The following ZDHHC17 variants were observed in gnomAD, a reference collection of about 807,000 sequenced individuals.
The protein encoded by ZDHHC17 is palmitoyltransferase ZDHHC17.
ZDHHC17 carries 40 observed loss-of-function variants against 90.3 expected under a neutral mutation model. The observed-to-expected ratio is 0.44, with a 90% CI of 0.34 to 0.58. ZDHHC17 has a LOEUF of 0.58. Ranked by LOEUF, ZDHHC17 falls within the 20% of genes least tolerant of loss-of-function variation. The pLI, the probability that ZDHHC17 is intolerant of heterozygous loss-of-function variation, is 0.01. For synonymous variants in ZDHHC17, 235 were observed against 252.4 expected (o/e 0.93, Z 0.65); for missense variants, 614 against 780.8 (o/e 0.79, Z 2.55).
At chr12:76,771,822 A>G (rs371232841) in intron 1 of ZDHHC17, among the ~76,000 whole-genome samples, 1 of 151,246 alleles carries the variant, frequency 6.6e-6, no homozygotes, top group Admixed American at 6.6e-5. Flanking sequence ...GATGTCAACA[A>G]TCTTGTCTGA....
At chr12:76,787,166 G>T (rs1356268767) in intron 1 of ZDHHC17, among the ~76,000 whole-genome samples, 1 of 147,090 alleles carries the variant, frequency 6.8e-6, no homozygotes, top group African/African-American at 2.5e-5. Flanking sequence ...ATGTCACCAC[G>T]ACTTGAGTGT....
chr12:76,794,988 C>T (rs1188548798), intron 1 of ZDHHC17, among the ~76,000 whole-genome samples: 1 of 151,894 alleles, frequency 6.6e-6, no homozygotes, highest in Non-Finnish European at 1.5e-5. Flanking sequence ...ATTATGTTGC[C>T]CTCATCTGTG....
intron 8 of ZDHHC17, among the ~76,000 whole-genome samples, chr12:76,823,122 T>C (rs923732929): frequency 3.3e-5 from 5 of 152,190 alleles, no homozygotes; most frequent in African/African-American, 9.7e-5. Context: ...TACATTTTGG[T>C]TCATTGATTC....
intron 9 of ZDHHC17, 78 bp downstream of exon 9, chr12:76,827,128 TTGTA>T (rs1312562274): frequency 6.9e-5 from 96 of 1,390,896 alleles, no homozygotes; most frequent in Non-Finnish European, 8.8e-5. Context: ...AAATTAATGT[TTGTA>T]TGTTGTACAT....
intron 7 of ZDHHC17, among the ~76,000 whole-genome samples, chr12:76,819,098 C>G (rs1282111862): frequency 1.3e-5 from 2 of 152,092 alleles, no homozygotes. Context: ...TAAAAGAAAC[C>G]ATCGTTGATG....
chr12:76,792,822 T>A (rs1036180666), intron 1 of ZDHHC17, among the ~76,000 whole-genome samples: 1 of 152,182 alleles, frequency 6.6e-6, no homozygotes, highest in Non-Finnish European at 1.5e-5. Context: ...AGCTAAACCT[T>A]TAATTGAAGA....
In ZDHHC17 at chr12:76,809,817, G is replaced by C. The variant is rs2137762318; in HGVS notation, c.503G>C (p.Gly168Ala). 6.2e-7 allele frequency: 1 copy of C among 1,611,086 alleles called. No homozygotes were observed. Among genetic ancestry groups the C allele is most frequent in the South Asian group, 1.1e-5 (1 of 90,552 alleles). Reference protein sequence around the residue: ...CSCIHLAAQFGHTSIVAYLIA... With the variant: ...CSCIHLAAQFAHTSIVAYLIA... ...TGTATTCATCTGGCTGCTCAGTTCG[G>C]ACATACCTCAATTGTTGCTTATCTC... The change falls in exon 5 of 17, where the codon GGA (glycine) becomes GCA (alanine). Residue 168 changes from glycine (G) to alanine (A), a missense_variant. Physicochemically the swap from Gly to Ala is moderately conservative, Grantham distance 60. Around this residue, in one of 5 missense-constraint regions of ZDHHC17, gnomAD observed 358 missense variants for 380.4 expected, o/e 0.94. Coordinates refer to ENST00000426126, the MANE Select transcript of ZDHHC17 (RefSeq NM_015336.4).
At chr12:76,844,809 C>T (rs558498227) in intron 12 of ZDHHC17, 2 of 152,070 alleles carry the variant, frequency 1.3e-5, no homozygotes, top group Admixed American at 6.6e-5. Context: ...TTTGTTGAAA[C>T]GCTGAAGTAT....
intron 1 of ZDHHC17, among the ~76,000 whole-genome samples, chr12:76,771,368 G>A (rs993078783): frequency 3.3e-5 from 5 of 152,134 alleles, no homozygotes; most frequent in Admixed American, 3.3e-4. Flanking sequence ...AATTCCTGTT[G>A]CAAATTTGCC....
intron 1 of ZDHHC17, 79 bp downstream of exon 1, chr12:76,764,408 C>G: frequency 7.3e-7 from 1 of 1,377,048 alleles, no homozygotes; most frequent in South Asian, 1.3e-5. Flanking sequence ...GGGCGGCGGC[C>G]GACGTGTGTG....
intron 1 of ZDHHC17, among the ~76,000 whole-genome samples, chr12:76,772,913 A>G (rs1333187699): frequency 2.0e-5 from 3 of 150,844 alleles, no homozygotes; most frequent in African/African-American, 7.3e-5. Flanking sequence ...CTGGAGTGCA[A>G]TGGCGTGATT....
intron 2 of ZDHHC17, among the ~76,000 whole-genome samples, chr12:76,803,087 A>C (rs1217380411): frequency 2.0e-5 from 3 of 151,928 alleles, no homozygotes; most frequent in Non-Finnish European, 4.4e-5. Flanking sequence ...CTCCATCTCT[A>C]CTAAAAGTAC....
chr12:76,823,841 T>A (rs1027651980), intron 8 of ZDHHC17, among the ~76,000 whole-genome samples: 1 of 152,186 alleles, frequency 6.6e-6, no homozygotes, highest in African/African-American at 2.4e-5. Context: ...AAGCTGAGAC[T>A]AATGAACAAT....
chr12:76,772,255 A>T (rs1245542297), intron 1 of ZDHHC17, among the ~76,000 whole-genome samples: 1 of 152,192 alleles, frequency 6.6e-6, no homozygotes, highest in Non-Finnish European at 1.5e-5. Flanking sequence ...TGTGGTTACA[A>T]ATGGTCTCAT....
intron 5 of ZDHHC17, among the ~76,000 whole-genome samples, chr12:76,814,642 G>T (rs1302859921): frequency 6.6e-6 from 1 of 151,838 alleles, no homozygotes; most frequent in African/African-American, 2.4e-5. Flanking sequence ...GGGAAGTAAG[G>T]CAGGGGGATT....
chr12:76,815,796 A>G, intron 6 of ZDHHC17, 61 bp from the exon 7 acceptor site: 1 of 1,422,892 alleles, frequency 7.0e-7, no homozygotes, highest in Non-Finnish European at 9.2e-7. Context: ...ATTTGTAATG[A>G]TTTCTATAAT....
intron 2 of ZDHHC17, among the ~76,000 whole-genome samples, chr12:76,804,757 A>G (rs1242376360): frequency 6.6e-6 from 1 of 152,132 alleles, no homozygotes; most frequent in East Asian, 1.9e-4. Context: ...CTAGGAGATA[A>G]ATTGCCTGCT....
chr12:76,775,885 T>C (rs1414115040), intron 1 of ZDHHC17, among the ~76,000 whole-genome samples: 2 of 152,182 alleles, frequency 1.3e-5, no homozygotes, highest in Non-Finnish European at 2.9e-5. Context: ...CATTAATCTT[T>C]ATTTATATTT....
intron 1 of ZDHHC17, 81 bp downstream of exon 1, chr12:76,764,410 A>C (rs567001431): frequency 7.4e-7 from 1 of 1,355,982 alleles, no homozygotes; most frequent in Non-Finnish European, 1.0e-6. Flanking sequence ...GCGGCGGCCG[A>C]CGTGTGTGGG....
Sources: gnomAD v4.1 joint callset for allele counts (sites outside exome capture counted in the v4.1 genomes callset) on GRCh38, gnomAD v4.1.1 for gene constraint, gnomAD v4.1.1 regional missense constraint, MANE v1.5 for transcripts, NCBI Gene and HGNC (gene_info 2026-07-23, HGNC 2026-07-21) for gene names.